SLC47A2: variants seen among roughly 807,000 people sequenced by gnomAD.
SLC47A2 encodes solute carrier family 47 member 2.
In SLC47A2, 52 loss-of-function variants were observed where a neutral mutation model predicts 67.7. That is an observed-to-expected ratio of 0.77 (90% confidence interval 0.61 to 0.97). SLC47A2 has a LOEUF of 0.97. Ranked by LOEUF, SLC47A2 falls within the 50% of genes least tolerant of loss-of-function variation. SLC47A2 has a pLI of 0.00. For missense variants in SLC47A2, 676 were observed against 712.3 expected (o/e 0.95, Z 0.58); for synonymous variants, 278 against 292.9 (o/e 0.95, Z 0.52).
intron 5 of SLC47A2, among the ~76,000 whole-genome samples, chr17:19,711,456 A>G (rs2086092302): frequency 1.3e-5 from 2 of 151,518 alleles, no homozygotes; most frequent in Admixed American, 1.3e-4. Flanking sequence ...GCTGGGCATG[A>G]TGGTGGGTGC....
intron 13 of SLC47A2, among the ~76,000 whole-genome samples, chr17:19,693,613 A>T (rs1448354321): frequency 1.3e-5 from 2 of 148,482 alleles, no homozygotes; most frequent in Non-Finnish European, 3.0e-5. Flanking sequence ...TCTACTAAAA[A>T]TAATAATAAT....
intron 4 of SLC47A2, among the ~76,000 whole-genome samples, chr17:19,713,454 G>C (rs1409541890): frequency 1.3e-5 from 2 of 152,000 alleles, no homozygotes; most frequent in Non-Finnish European, 2.9e-5. Context: ...TCAAAAAGTG[G>C]TTGTCATCTT....
intron 13 of SLC47A2, among the ~76,000 whole-genome samples, chr17:19,689,594 G>T (rs1049469426): frequency 6.6e-6 from 1 of 151,866 alleles, no homozygotes; most frequent in Non-Finnish European, 1.5e-5. Flanking sequence ...CTACTCAGGA[G>T]GCTGAAGTGA....
rs897892961 is a variant in SLC47A2 at position 19,678,530 on chromosome 17, G to A, written c.*156C>T. Reference sequence around the variant, plus strand: ...GTCAAGTCTGTTCAGACCCCTCTGAGTGTCACCACAAGGAATCAGCCAAAG... The same window carrying A: ...GTCAAGTCTGTTCAGACCCCTCTGAATGTCACCACAAGGAATCAGCCAAAG... On this transcript the variant is annotated 3_prime_UTR_variant, in exon 17 of 17. Transcript: ENST00000433844. The A allele has an allele frequency of 2.8e-6, 2 of 703,668 alleles. No homozygotes were observed. The highest frequency in any genetic ancestry group is 4.8e-6 in the Non-Finnish European group (2 of 416,906). 43.6% of individuals were successfully genotyped at this position (703,668 alleles called of 1,614,324 possible).
rs2085739963 is a variant in SLC47A2, at chr17:19,699,535, C to T, written c.1164+3070G>A. 2.6e-5 allele frequency among the ~76,000 whole-genome samples: 4 copies of T among 151,544 alleles called. No individual in the cohort carries two copies. The South Asian group carries it at 8.4e-4, about 32-fold the overall frequency. ...AGCGAAGACTATAGGTGTGTGCCAA[C>T]CCCGCCTCCCCGCCGACCCCCTCCC... On this transcript the variant is annotated intron_variant, in intron 13 of 16. Transcript: ENST00000433844.
At position 19,714,889 on chromosome 17, in the gene SLC47A2, A is replaced by G. The variant is rs1348790807; in HGVS notation, c.226-100T>C. On this transcript the variant is annotated intron_variant, in intron 2 of 16. Transcript: ENST00000433844. The stretch of plus-strand genomic sequence containing the variant: ...CCAGGGTCAGGAAATGCTGCCCAGC[A>G]GGCAGCGGTGGCAGAGGCTCTGCTC... 16 of 1,520,432 alleles carry G rather than the reference A, an allele frequency of 1.1e-5. 1 individual carries two copies. Among genetic ancestry groups the G allele is most frequent in the Non-Finnish European group, 1.3e-5 (14 of 1,099,806 alleles). The allele number at this position is 1,520,432 out of a possible 1,614,324, so 94.2% of individuals were successfully genotyped here. A position where few individuals can be genotyped will look rare whatever the true frequency, so the allele number is the denominator to read the frequency against.
At chr17:19,710,577 C>T (rs755253387) in intron 5 of SLC47A2, among the ~76,000 whole-genome samples, 32 of 151,890 alleles carry the variant, frequency 2.1e-4, no homozygotes, top group Non-Finnish European at 3.1e-4. Context: ...CTCAGCCTCC[C>T]GAGTAGCTGA....
chr17:19,697,490 AACATATGAACTTCGGAGGAC>A (rs2085690129), intron 13 of SLC47A2, among the ~76,000 whole-genome samples: 1 of 152,204 alleles, frequency 6.6e-6, no homozygotes, highest in Admixed American at 6.5e-5. Context: ...CTGTTACATA[AACATATGAACTTCGGAGGAC>A]ACATTCAAAC....
intron 5 of SLC47A2, 73 bp from the exon 6 acceptor site, chr17:19,708,833 C>T: frequency 6.4e-7 from 1 of 1,556,290 alleles, no homozygotes; most frequent in Non-Finnish European, 8.8e-7. Context: ...AACAGACATT[C>T]CTTTCCAGGA....
chr17:19,695,515 C>CAAAAAAAAAAAAAAAAAAAAAAAA (rs201305334), intron 13 of SLC47A2, among the ~76,000 whole-genome samples: 2 of 91,404 alleles, frequency 2.2e-5, no homozygotes, highest in African/African-American at 7.7e-5. Context: ...AAAAAAACAG[C>CAAAAAAAAAAAAAAAAAAAAAAAA]AAAAAAAAAA....
intron 11 of SLC47A2, 68 bp downstream of exon 11, chr17:19,704,002 C>A: frequency 7.8e-7 from 1 of 1,280,916 alleles, no homozygotes; most frequent in Non-Finnish European, 1.1e-6. Flanking sequence ...GCATGCCAGC[C>A]TTCCTGTGGC....
intron 10 of SLC47A2, chr17:19,704,729 G>A (rs2085881985): frequency 6.5e-7 from 1 of 1,541,978 alleles, no homozygotes; most frequent in Non-Finnish European, 8.8e-7. Flanking sequence ...GGGCTGTGGT[G>A]GAGGAGAGCC....
In SLC47A2 at chr17:19,678,346, A is replaced by G. The variant is rs748554130; in HGVS notation, c.*340T>C. Reference sequence around the variant, plus strand: ...GGAAATGTGTAATCTTTAATATAACAGTGGTTTTTGTGATTTTATCTGCAG... The same window carrying G: ...GGAAATGTGTAATCTTTAATATAACGGTGGTTTTTGTGATTTTATCTGCAG... On this transcript the variant is annotated 3_prime_UTR_variant, in exon 17 of 17. Transcript: ENST00000433844. The G allele has an allele frequency of 5.8e-4, 153 of 263,278 alleles. 1 individual carries two copies. Among genetic ancestry groups the G allele is most frequent in the Non-Finnish European group, 6.7e-4 (90 of 135,090 alleles). The allele number at this position is 263,278 out of a possible 1,614,324, so 16.3% of individuals were successfully genotyped here. A position where few individuals can be genotyped will look rare whatever the true frequency, so the allele number is the denominator to read the frequency against.
rs137983475 is a variant in SLC47A2, at chr17:19,700,657, C to T, written c.1164+1948G>A. Among the ~76,000 whole-genome samples, 517 of 151,240 alleles carry T rather than the reference C, an allele frequency of 3.4e-3. 2 individuals are homozygous for T. The highest frequency in any genetic ancestry group is 0.012 in the African/African-American group (500 of 41,144). On this transcript the variant is annotated intron_variant, in intron 13 of 16. Transcript: ENST00000433844. ...GTGCACACCTGTAGTCCCAGCTACT[C>T]AGGAGGCTGAGGTAGGAGGATTGCT...
chr17:19,715,070 G>T, intron 2 of SLC47A2, 46 bp downstream of exon 2: 1 of 1,586,322 alleles, frequency 6.3e-7, no homozygotes, highest in Non-Finnish European at 8.6e-7. Flanking sequence ...CGGTGGAGAA[G>T]CCTGGGGAGA....
rs560953393 is a variant in SLC47A2 at position 19,706,663 on chromosome 17, C to T, written c.826G>A (p.Gly276Arg). The change falls in exon 9 of 17, where the codon GGG (glycine) becomes AGG (arginine). Residue 276 changes from glycine to arginine, a missense_variant. By Grantham distance (125) the Gly-to-Arg change is moderately radical (BLOSUM62 -2). Coordinates refer to ENST00000433844, the MANE Select transcript of SLC47A2 (RefSeq NM_001099646.3). ...TTCCACGTACCCATGAGGAAGCTCC[C>T]GATCTCATAGGCCCACCACTCAACA... ...ICVEWWAYEI[G>R]SFLMGLLSVV... The T allele has an allele frequency of 1.2e-5, 19 of 1,601,922 alleles. No individual in the cohort carries two copies. Among genetic ancestry groups the T allele is most frequent in the African/African-American group, 4.1e-5 (3 of 73,998 alleles).
At chr17:19,680,308 T>C (rs2085285748) in intron 15 of SLC47A2, among the ~76,000 whole-genome samples, 1 of 151,814 alleles carries the variant, frequency 6.6e-6, no homozygotes, top group African/African-American at 2.4e-5. Context: ...TGAAACCCTG[T>C]CTCTACCAAA....
chr17:19,692,897 C>A (rs1329436393), intron 13 of SLC47A2, among the ~76,000 whole-genome samples: 1 of 152,126 alleles, frequency 6.6e-6, no homozygotes, highest in African/African-American at 2.4e-5. Flanking sequence ...CTTTGGGAGG[C>A]CGAGGCAGGT....
chr17:19,714,801 C>A lies in SLC47A2; in HGVS notation c.226-12G>T, dbSNP rs2086205345. On this transcript the variant is annotated splice_polypyrimidine_tract_variant and intron_variant, in intron 2 of 16. Coordinates refer to ENST00000433844, the MANE Select transcript of SLC47A2 (RefSeq NM_001099646.3). ...CAGACATTGACAAACTGGCGCCACACACAGGAGGAAACAAGAGCTTGTCAG... is the reference window on the plus strand; with the variant it reads ...CAGACATTGACAAACTGGCGCCACAAACAGGAGGAAACAAGAGCTTGTCAG... The A allele has an allele frequency of 6.2e-7, 1 of 1,614,032 alleles. No homozygotes were observed. The highest frequency in any genetic ancestry group is 1.1e-5 in the South Asian group (1 of 91,092).
Sources: allele counts gnomAD v4.1 joint callset (sites outside exome capture counted in the v4.1 genomes callset), GRCh38; gene constraint gnomAD v4.1.1; transcripts MANE v1.5; gene names NCBI Gene and HGNC (gene_info 2026-07-23, HGNC 2026-07-21).